PROC: variants seen among roughly 807,000 people sequenced by gnomAD.
PROC encodes vitamin K-dependent protein C.
A neutral mutation model predicts 36.3 loss-of-function variants in PROC; 22 were observed. The observed-to-expected ratio is 0.61, with a 90% CI of 0.43 to 0.86. The LOEUF (loss-of-function observed/expected upper bound fraction) is 0.86, where lower values mean the gene tolerates loss of function less well. Among genes scored for constraint, PROC ranks in the 40% least tolerant of loss-of-function variants. PROC has a pLI of 0.00. For missense variants in PROC, 526 were observed against 629.7 expected (o/e 0.84, Z 1.76); for synonymous variants, 218 against 244.5 (o/e 0.89, Z 1.01).
rs927586576 is a variant in PROC at position 127,426,875 on chromosome 2, G to A, written c.679-230G>A. ...GCTGGGCGATGTTGGGTGTGGCTGAGGGTGACTGAAACAGTATGAACAGTG... is the reference window on the plus strand; with the variant it reads ...GCTGGGCGATGTTGGGTGTGGCTGAAGGTGACTGAAACAGTATGAACAGTG... On this transcript the variant is annotated intron_variant, in intron 7 of 8. Coordinates refer to ENST00000234071, the MANE Select transcript of PROC (RefSeq NM_000312.4). This position sits in a 1 kb window ranked among gnomAD's most constrained non-coding sequence, Gnocchi z 7.0. 4.6e-5 allele frequency among the ~76,000 whole-genome samples: 7 copies of A among 152,234 alleles called. No individual in the cohort carries two copies. The highest frequency in any genetic ancestry group is 8.8e-5 in the Non-Finnish European group (6 of 68,034).
intron 3 of PROC, among the ~76,000 whole-genome samples, chr2:127,422,143 A>G (rs754276998): frequency 1.3e-5 from 2 of 152,166 alleles, no homozygotes; most frequent in Non-Finnish European, 2.9e-5. Context: ...GGAGGCTTTC[A>G]GGGCAGGAGA....
chr2:127,424,397 C>T (rs1489694936), intron 6 of PROC, among the ~76,000 whole-genome samples: 1 of 152,202 alleles, frequency 6.6e-6, no homozygotes, highest in Non-Finnish European at 1.5e-5. Context: ...AGGGGTTTCT[C>T]CGTGTTGGTC....
In PROC at chr2:127,420,035, C is replaced by T. The variant is rs766353849; in HGVS notation, c.70+23C>T. On this transcript the variant is annotated intron_variant, in intron 2 of 8. Transcript: ENST00000234071. Reference sequence around the variant, plus strand: ...TTGGTAAGGCCACCCCACCCCTACCCCGGGACCCTTGTGGCCTCTACAAGG... The same window carrying T: ...TTGGTAAGGCCACCCCACCCCTACCTCGGGACCCTTGTGGCCTCTACAAGG... The T allele has an allele frequency of 1.1e-5, 18 of 1,612,040 alleles. No homozygotes were observed. The Admixed American group carries it at 3.0e-4, about 27-fold the overall frequency.
chr2:127,427,345 CAGA>C (rs1424143232), intron 8 of PROC, 123 bp downstream of exon 8: 40 of 849,308 alleles, frequency 4.7e-5, no homozygotes, highest in Admixed American at 3.7e-4. Context: ...TTGAGCTCCA[CAGA>C]AGGTGTTTGG....
At position 127,428,656 on chromosome 2, in the gene PROC, C is replaced by T; in HGVS notation, c.1096C>T (p.Pro366Ser). Reference sequence around the variant, plus strand: ...CTTCGTCCTCAACTTCATCAAGATTCCCGTGGTCCCGCACAATGAGTGCAG... The same window carrying T: ...CTTCGTCCTCAACTTCATCAAGATTTCCGTGGTCCCGCACAATGAGTGCAG... ...RTFVLNFIKIPVVPHNECSEV... is the reference protein window; with the variant it reads ...RTFVLNFIKISVVPHNECSEV... The change falls in exon 9 of 9, where the codon CCC (proline) becomes TCC (serine). Residue 366 changes from proline to serine, a missense_variant. By Grantham distance (74) the Pro-to-Ser change is moderately conservative. Transcript: ENST00000234071. 6.2e-7 allele frequency: 1 copy of T among 1,614,044 alleles called. No individual in the cohort carries two copies. Among genetic ancestry groups the T allele is most frequent in the Non-Finnish European group, 8.5e-7 (1 of 1,180,058 alleles).
chr2:127,422,003 G>A (rs993425220), intron 3 of PROC, among the ~76,000 whole-genome samples: 1 of 152,224 alleles, frequency 6.6e-6, no homozygotes, highest in Non-Finnish European at 1.5e-5. Flanking sequence ...GGGTGAGCTT[G>A]GTAACGGGGC....
At chr2:127,428,261 A>T in intron 8 of PROC, 96 bp from the exon 9 acceptor site, 1 of 1,231,994 alleles carries the variant, frequency 8.1e-7, no homozygotes, top group Non-Finnish European at 1.2e-6. Context: ...CCCTCTGCCC[A>T]GGCCTGCAGG....
chr2:127,422,230 C>T (rs1373803078), intron 3 of PROC, among the ~76,000 whole-genome samples: 1 of 152,212 alleles, frequency 6.6e-6, no homozygotes, highest in East Asian at 1.9e-4. Flanking sequence ...CCATCCCCAC[C>T]ACCTCTTTCC....
chr2:127,422,948 G>A lies in PROC; in HGVS notation c.262+7G>A, dbSNP rs1184203835. On this transcript the variant is annotated splice_region_variant and intron_variant, in intron 4 of 8. Coordinates refer to ENST00000234071, the MANE Select transcript of PROC (RefSeq NM_000312.4). ...TTCTGGTCCAAGCACGTCGGTGAGT[G>A]CGTTCTAGATCCCCGGCTGGACTAC... The A allele has an allele frequency of 6.3e-7, 1 of 1,599,756 alleles. No homozygotes were observed. Among genetic ancestry groups the A allele is most frequent in the Non-Finnish European group, 8.5e-7 (1 of 1,174,324 alleles).
At chr2:127,421,523 T>TG (rs773915007) in intron 3 of PROC, 74 bp downstream of exon 3, 150 of 1,561,886 alleles carry the variant, frequency 9.6e-5, no homozygotes, top group Non-Finnish European at 1.3e-4. Flanking sequence ...GAGGAGCAGG[T>TG]GGGGACTCAA....
chr2:127,429,010 CA>C lies in PROC; in HGVS notation c.*66del, dbSNP rs1688719665. ...GATGGGACATTAAAGGGACATGTAA[CA>C]AGCACACCGGCCTGCTGTTCTGTCC... On this transcript the variant is annotated 3_prime_UTR_variant, in exon 9 of 9. Coordinates refer to ENST00000234071, the MANE Select transcript of PROC (RefSeq NM_000312.4). 2 of 1,558,362 alleles carry C rather than the reference CA, an allele frequency of 1.3e-6. No homozygotes were observed. Among genetic ancestry groups the C allele is most frequent in the Non-Finnish European group, 1.8e-6 (2 of 1,131,058 alleles).
chr2:127,425,749 G>T (rs1688450811), intron 6 of PROC, among the ~76,000 whole-genome samples: 2 of 148,464 alleles, frequency 1.3e-5, no homozygotes. Flanking sequence ...ACTGGAGGGG[G>T]TTTGTAATTT....
chr2:127,421,237 C>G lies in PROC; in HGVS notation c.71-46C>G, dbSNP rs371581716. On this transcript the variant is annotated intron_variant, in intron 2 of 8. Transcript: ENST00000234071. Reference sequence around the variant, plus strand: ...AGACCCCCTCATGGCCCCAGCCCCTCTTAGGCCCCTCCACCAAGGTGAGCT... The same window carrying G: ...AGACCCCCTCATGGCCCCAGCCCCTGTTAGGCCCCTCCACCAAGGTGAGCT... The G allele has an allele frequency of 2.1e-5, 34 of 1,608,816 alleles. No individual in the cohort carries two copies. The African/African-American group carries it at 3.5e-4, about 16-fold the overall frequency.
chr2:127,419,875 G>A (rs1687984381), intron 1 of PROC, 47 bp from the exon 2 acceptor site: 1 of 1,613,136 alleles, frequency 6.2e-7, no homozygotes, highest in African/African-American at 1.3e-5. Context: ...TGCAGGCAGA[G>A]CAGCAGCGGG....
chr2:127,424,740 C>T (rs1688371265), intron 6 of PROC, among the ~76,000 whole-genome samples: 1 of 152,158 alleles, frequency 6.6e-6, no homozygotes, highest in South Asian at 2.1e-4. Context: ...TAGATATTTC[C>T]AGGAAGCTGC....
At chr2:127,421,717 C>A (rs1186045947) in intron 3 of PROC, among the ~76,000 whole-genome samples, 1 of 152,184 alleles carries the variant, frequency 6.6e-6, no homozygotes, top group Admixed American at 6.5e-5. Context: ...TTCAGTCCAC[C>A]CTCCAGCCAC....
chr2:127,419,871 C>T lies in PROC; in HGVS notation c.-21-51C>T, dbSNP rs1687984153. On this transcript the variant is annotated intron_variant, in intron 1 of 8. Coordinates refer to ENST00000234071, the MANE Select transcript of PROC (RefSeq NM_000312.4). The stretch of plus-strand genomic sequence containing the variant: ...TTCCGCTTCCACCTGGGGGTGCAGG[C>T]AGAGCAGCAGCGGGGGTAGGCACTG... 4 of 1,612,902 alleles carry T rather than the reference C, an allele frequency of 2.5e-6. No individual in the cohort carries two copies. The South Asian group carries it at 4.4e-5, about 18-fold the overall frequency.
chr2:127,420,685 G>A (rs536393690), intron 2 of PROC, among the ~76,000 whole-genome samples: 167 of 152,144 alleles, frequency 1.1e-3, no homozygotes, highest in Admixed American at 0.011. Context: ...ACCCAAGACA[G>A]ACACTTCACA....
chr2:127,420,305 C>G (rs995843425), intron 2 of PROC, among the ~76,000 whole-genome samples: 12 of 152,160 alleles, frequency 7.9e-5, no homozygotes, highest in African/African-American at 1.2e-4. Context: ...CCCTCTCCAC[C>G]CACTCACTCC....
Sources: allele counts gnomAD v4.1 joint callset (sites outside exome capture counted in the v4.1 genomes callset), GRCh38; gene constraint gnomAD v4.1.1; non-coding constraint Gnocchi (gnomAD v3.1); transcripts MANE v1.5; gene names NCBI Gene and HGNC (gene_info 2026-07-23, HGNC 2026-07-21).